Variants in ADGRG1 observed in about 807,000 individuals in gnomAD.
The protein encoded by ADGRG1 is adhesion G protein-coupled receptor G1.
ADGRG1 carries 53 observed loss-of-function variants against 73.5 expected under a neutral mutation model. The ratio of observed to expected loss-of-function variants is 0.72; its 90% CI spans 0.58 to 0.91. The LOEUF (loss-of-function observed/expected upper bound fraction) is 0.91, where lower values mean the gene tolerates loss of function less well. Among genes scored for constraint, ADGRG1 ranks in the 40% least tolerant of loss-of-function variants. ADGRG1 has a pLI of 0.00. For missense variants in ADGRG1, 795 were observed against 871.8 expected (o/e 0.91, Z 1.11); for synonymous variants, 394 against 374.4 (o/e 1.05, Z -0.60).
chr16:57,637,262 T>G, intron 1 of ADGRG1: 1 of 961,420 alleles, frequency 1.0e-6, no homozygotes, highest in Non-Finnish European at 1.2e-6. Flanking sequence ...TGGTCGGGAA[T>G]GTTGTAGGTG....
At chr16:57,637,261 A>C in intron 1 of ADGRG1, 3 of 946,724 alleles carry the variant, frequency 3.2e-6, no homozygotes, top group Non-Finnish European at 2.5e-6. Context: ...CTGGTCGGGA[A>C]TGTTGTAGGT....
intron 1 of ADGRG1, among the ~76,000 whole-genome samples, chr16:57,638,762 C>T (rs139494594): frequency 6.6e-6 from 1 of 152,158 alleles, no homozygotes; most frequent in Non-Finnish European, 1.5e-5. Context: ...GGGTGGCCTG[C>T]ACTGGGTTCT....
rs1285071085 is a variant in ADGRG1, at chr16:57,661,825, A to G, written c.1793A>G (p.Gln598Arg). The G allele has an allele frequency of 1.2e-6, 2 of 1,614,198 alleles. No individual in the cohort carries two copies. The highest frequency in any genetic ancestry group is 1.7e-5 in the Admixed American group (1 of 60,028). The change falls in exon 13 of 14, where the codon CAA (glutamine) becomes CGA (arginine). Residue 598 changes from glutamine (Q) to arginine (R), a missense_variant. Coordinates refer to ENST00000562631, the MANE Select transcript of ADGRG1 (RefSeq NM_201525.4). ...ATCCTGCGGCTGCGCCCCCACACCCAAAAGTGGTCACATGTGCTGACACTG... is the reference window on the plus strand; with the variant it reads ...ATCCTGCGGCTGCGCCCCCACACCCGAAAGTGGTCACATGTGCTGACACTG... Reference protein sequence around the residue: ...VQILRLRPHTQKWSHVLTLLG... With the variant: ...VQILRLRPHTRKWSHVLTLLG...
upstream of ADGRG1, chr16:57,623,049 A>G: frequency 1.0e-6 from 1 of 985,352 alleles, no homozygotes; most frequent in Non-Finnish European, 1.2e-6. Flanking sequence ...GCAAAGCAGG[A>G]CTTAAATAAG....
At chr16:57,648,608 C>G (rs1432814177) in intron 1 of ADGRG1, 12 of 984,770 alleles carry the variant, frequency 1.2e-5, no homozygotes, top group South Asian at 4.7e-5. Flanking sequence ...TAATGCTGCT[C>G]TCAATGATTT....
At chr16:57,632,141 A>G (rs1222386841) in intron 1 of ADGRG1, 1 of 985,472 alleles carries the variant, frequency 1.0e-6, no homozygotes, top group Non-Finnish European at 1.2e-6. Context: ...TTACCCAGTG[A>G]GCAACCCCAC....
chr16:57,620,657 G>A (rs1179826108), upstream of ADGRG1: 1 of 152,154 alleles, frequency 6.6e-6, no homozygotes, highest in African/African-American at 2.4e-5. Flanking sequence ...GTGCAGGCCT[G>A]GGGGGGCGTG....
chr16:57,626,655 A>T (rs1297845393), upstream of ADGRG1: 10 of 985,292 alleles, frequency 1.0e-5, no homozygotes, highest in African/African-American at 1.6e-4. Flanking sequence ...CCATCTGCAG[A>T]GAGAGTGGTG....
chr16:57,662,114 A>G, intron 13 of ADGRG1, 149 bp downstream of exon 13: 1 of 738,246 alleles, frequency 1.4e-6, no homozygotes. Flanking sequence ...GCCACAGTCA[A>G]CAAGTCTTGA....
At chr16:57,646,239 C>T (rs112736943) in intron 1 of ADGRG1, 16 of 299,110 alleles carry the variant, frequency 5.3e-5, no homozygotes, top group East Asian at 1.8e-4. Flanking sequence ...TGGCTCCACA[C>T]GGAAGTGACT....
intron 1 of ADGRG1, chr16:57,639,480 G>A (rs1182341255): frequency 1.0e-6 from 1 of 985,328 alleles, no homozygotes; most frequent in Non-Finnish European, 1.2e-6. Flanking sequence ...TGTCCCCTTT[G>A]TTTGAAGCTC....
intron 1 of ADGRG1, chr16:57,631,021 G>A: frequency 8.1e-6 from 8 of 985,862 alleles, no homozygotes; most frequent in Non-Finnish European, 9.6e-6. Context: ...GTGTGGGGCT[G>A]GGGGCCCAGG....
intron 1 of ADGRG1, chr16:57,621,155 T>C (rs1385225047): frequency 6.6e-6 from 1 of 152,064 alleles, no homozygotes; most frequent in Non-Finnish European, 1.5e-5. Context: ...CTCTGTTAAT[T>C]AGGCAGCCCC....
chr16:57,656,283 G>C lies in ADGRG1; in HGVS notation c.1063+12G>C. On this transcript the variant is annotated intron_variant, in intron 8 of 13. Transcript: ENST00000562631. ...TGAAGACCCCACATGTGAGTATGCA[G>C]GGGTCTCTGGGCTGGACAAGTATCT... 1 of 1,613,530 alleles carries C rather than the reference G, an allele frequency of 6.2e-7. No homozygotes were observed. The highest frequency in any genetic ancestry group is 8.5e-7 in the Non-Finnish European group (1 of 1,179,638).
At chr16:57,633,203 C>A (rs2038457349) in intron 1 of ADGRG1, 3 of 585,788 alleles carry the variant, frequency 5.1e-6, no homozygotes, top group Admixed American at 6.3e-5. Flanking sequence ...GAATTTGGGG[C>A]AAAAGTGGCT....
Position 57,647,286 on chromosome 16 carries a change from C to T in ADGRG1, c.-35-2967C>T, listed in dbSNP as rs145210254. 9.2e-4 allele frequency: 909 copies of T among 985,314 alleles called. 7 individuals carry two copies. In the African/African-American group the frequency reaches 0.012, roughly 13 times the overall value. The allele number at this position is 985,314 out of a possible 1,614,324, so 61.0% of individuals were successfully genotyped here. On this transcript the variant is annotated intron_variant, in intron 1 of 13. Transcript: ENST00000562631. Reference sequence around the variant, plus strand: ...GGTTTAACCTTCCATTGCACTCTCCCGGAAAGGAAGCTTCATGCTCTAAGA... The same window carrying T: ...GGTTTAACCTTCCATTGCACTCTCCTGGAAAGGAAGCTTCATGCTCTAAGA...
At position 57,657,371 on chromosome 16, in the gene ADGRG1, A is replaced by T; in HGVS notation, c.1168-2A>T. 1 of 1,613,976 alleles carries T rather than the reference A, an allele frequency of 6.2e-7. No individual in the cohort carries two copies. On this transcript the variant is annotated splice_acceptor_variant, in intron 9 of 13. Transcript: ENST00000562631. LOFTEE classifies it high-confidence loss of function. ...CAGCTCTCTCCTGTCTCCTGGGGCCAGGTCTCCTCGGTGGAGGTGGACGCC... is the reference window on the plus strand; with the variant it reads ...CAGCTCTCTCCTGTCTCCTGGGGCCTGGTCTCCTCGGTGGAGGTGGACGCC...
chr16:57,633,906 C>T (rs986167586), intron 1 of ADGRG1, among the ~76,000 whole-genome samples: 3 of 152,228 alleles, frequency 2.0e-5, no homozygotes, highest in African/African-American at 7.2e-5. Flanking sequence ...TCTGCTGCCC[C>T]GAGGCATTGT....
Position 57,655,470 on chromosome 16 carries a change from G to A in ADGRG1, c.840G>A (p.Arg280=), listed in dbSNP as rs1597552134. 9.9e-6 allele frequency: 16 copies of A among 1,613,888 alleles called. No homozygotes were observed. Among genetic ancestry groups the A allele is most frequent in the Non-Finnish European group, 1.4e-5 (16 of 1,180,016 alleles). Residue 280 remains arginine, a synonymous_variant, in exon 6 of 14, where the codon CGG becomes CGA. Transcript: ENST00000562631. Reference sequence around the variant, plus strand: ...CACTCTTCCAGAGGACGAAAGGCCGGAGCGGGGAGGCTGAGAAGAGACTCC... The same window carrying A: ...CACTCTTCCAGAGGACGAAAGGCCGAAGCGGGGAGGCTGAGAAGAGACTCC... ...PRTLFQRTKG[R]SGEAEKRLLL...
Sources: allele counts gnomAD v4.1 joint callset (sites outside exome capture counted in the v4.1 genomes callset), GRCh38; gene constraint gnomAD v4.1.1; transcripts MANE v1.5; gene names NCBI Gene and HGNC (gene_info 2026-07-23, HGNC 2026-07-21).